The following MYO18B variants were observed in gnomAD, a reference collection of about 807,000 sequenced individuals.
MYO18B encodes myosin XVIIIB.
Under a neutral mutation model 273.0 loss-of-function variants are expected in MYO18B, and 204 were observed. The ratio of observed to expected loss-of-function variants is 0.75; its 90% CI spans 0.67 to 0.84. The LOEUF is 0.84. Among genes scored for constraint, MYO18B ranks in the 40% least tolerant of loss-of-function variants. The probability of loss-of-function intolerance (pLI) is 0.00; values close to 1 mark genes in which losing one functional copy is unlikely to be tolerated. For synonymous variants in MYO18B, 1,330 were observed against 1,305.7 expected, an observed-to-expected ratio of 1.02 and a Z score of -0.40; for missense variants, 3,212 against 3,287.6, an observed-to-expected ratio of 0.98 and a Z score of 0.56.
intron 30 of MYO18B, 37 bp from the exon 31 acceptor site, chr22:25,903,594 A>G: frequency 6.4e-7 from 1 of 1,561,656 alleles, no homozygotes; most frequent in Non-Finnish European, 8.7e-7. Context: ...AGGCATACTC[A>G]TGTGACTCCA....
Position 25,902,547 on chromosome 22 carries a change from C to T in MYO18B, c.4824-66C>T, listed in dbSNP as rs928343508. On this transcript the variant is annotated intron_variant, in intron 29 of 43. Coordinates refer to ENST00000335473, the MANE Select transcript of MYO18B (RefSeq NM_032608.7). ...CGGCCTCTCTGCAGCCCCTCCCTGCCCCTGCCTCAATCACTCCCCTGCCCA... is the reference window on the plus strand; with the variant it reads ...CGGCCTCTCTGCAGCCCCTCCCTGCTCCTGCCTCAATCACTCCCCTGCCCA... The T allele has an allele frequency of 3.9e-6, 6 of 1,541,596 alleles. No individual in the cohort carries two copies. The African/African-American group carries it at 6.9e-5, about 18-fold the overall frequency.
At chr22:25,972,937 C>CA (rs1256637991) in intron 39 of MYO18B, among the ~76,000 whole-genome samples, 1 of 125,986 alleles carries the variant, frequency 7.9e-6, no homozygotes, top group African/African-American at 3.0e-5. Flanking sequence ...GCCTGGGTGA[C>CA]AAAGTGACTC....
intron 3 of MYO18B, among the ~76,000 whole-genome samples, chr22:25,767,672 T>C (rs891234883): frequency 1.8e-4 from 28 of 152,162 alleles, no homozygotes; most frequent in African/African-American, 6.8e-4. Context: ...CAGGCAGAAA[T>C]AACAACAGTA....
At chr22:26,029,572 C>A (rs533233012) in intron 43 of MYO18B, among the ~76,000 whole-genome samples, 22 of 152,340 alleles carry the variant, frequency 1.4e-4, no homozygotes, top group African/African-American at 5.1e-4. Context: ...CATCACAGAA[C>A]ATCTTGTCTC....
In MYO18B at chr22:25,885,601, G is replaced by A. The variant is rs146884262; in HGVS notation, c.4315-5155G>A. ...GGGTTGAGGGGTTGCCTATGGGTTA[G>A]AGATGAGGCATGAAGCCGGACTGGA... On this transcript the variant is annotated intron_variant, in intron 25 of 43. Coordinates refer to ENST00000335473, the MANE Select transcript of MYO18B (RefSeq NM_032608.7). Among the ~76,000 whole-genome samples, 14 of 152,270 alleles carry A rather than the reference G, an allele frequency of 9.2e-5. No individual in the cohort carries two copies. In the East Asian group the frequency reaches 2.7e-3, roughly 29 times the overall value.
intron 34 of MYO18B, among the ~76,000 whole-genome samples, chr22:25,938,664 G>A (rs576392494): frequency 2.6e-5 from 4 of 152,328 alleles, no homozygotes; most frequent in Middle Eastern, 3.4e-3. Context: ...TTTCCCCCTC[G>A]ATGAGTAATC....
chr22:25,753,256 C>T (rs1325767340), intron 1 of MYO18B, among the ~76,000 whole-genome samples: 3 of 152,130 alleles, frequency 2.0e-5, no homozygotes. Flanking sequence ...GCGGGGGTTG[C>T]TGGATTGGAG....
rs1484725069 is a variant in MYO18B at position 25,843,880 on chromosome 22, G to A, written c.3354G>A (p.Leu1118=). 7 of 1,607,686 alleles carry A rather than the reference G, an allele frequency of 4.4e-6. No individual in the cohort carries two copies. The Admixed American group carries it at 1.2e-4, about 27-fold the overall frequency. ...CGGCCCTGGATGCACCCCAGGTCCT[G>A]CACCAGTCAAAAAGGTGAGTTGGGT... ...NLSALDAPQV[L]HQSKREELRS... The change falls in exon 18 of 44, where the codon CTG becomes CTA. Residue 1118 remains leucine, a synonymous_variant. Transcript: ENST00000335473.
chr22:25,959,768 G>C (rs962547970), intron 39 of MYO18B, among the ~76,000 whole-genome samples: 4 of 152,202 alleles, frequency 2.6e-5, no homozygotes, highest in Non-Finnish European at 5.9e-5. Context: ...GAGGGGCCCG[G>C]GTGTGAGGTT....
intron 12 of MYO18B, among the ~76,000 whole-genome samples, chr22:25,803,022 C>T (rs1163713880): frequency 6.7e-6 from 1 of 149,090 alleles, no homozygotes; most frequent in African/African-American, 2.5e-5. Flanking sequence ...AGTGCAGTGG[C>T]GCGATCTCTG....
chr22:26,041,952 G>A, the MYO18B span, among the ~76,000 whole-genome samples: 9 of 152,320 alleles, frequency 5.9e-5, no homozygotes, highest in South Asian at 1.7e-3. Flanking sequence ...AGTCTCACTG[G>A]TGGGAGAAGC....
At chr22:25,785,634 G>T (rs2087351855) in intron 11 of MYO18B, 143 bp downstream of exon 11, 7 of 764,422 alleles carry the variant, frequency 9.2e-6, no homozygotes, top group Non-Finnish European at 8.9e-6. Flanking sequence ...AGTTGGCACT[G>T]CCTTTGTAGG....
At chr22:25,773,237 C>T (rs1313545904) in intron 7 of MYO18B, among the ~76,000 whole-genome samples, 1 of 152,112 alleles carries the variant, frequency 6.6e-6, no homozygotes. Context: ...CCGGGCCACG[C>T]ACAAAGAACA....
intron 1 of MYO18B, among the ~76,000 whole-genome samples, chr22:25,757,554 T>C (rs1380574682): frequency 6.6e-6 from 1 of 151,220 alleles, no homozygotes; most frequent in Non-Finnish European, 1.5e-5. Flanking sequence ...GCCATTATAC[T>C]CCAGCCTGGG....
chr22:25,895,048 A>C lies in MYO18B; in HGVS notation c.4544-108A>C, dbSNP rs922087490. 4 of 1,313,998 alleles carry C rather than the reference A, an allele frequency of 3.0e-6. No individual in the cohort carries two copies. In the African/African-American group the frequency reaches 5.9e-5, roughly 19 times the overall value. The allele number at this position is 1,313,998 out of a possible 1,614,324, so 81.4% of individuals were successfully genotyped here. On this transcript the variant is annotated intron_variant, in intron 27 of 43. Transcript: ENST00000335473. ...GTTGAGGCTCAAGGGCTCTGTGAATATTGTGAAATTGCATGCCAAGAGCCA... is the reference window on the plus strand; with the variant it reads ...GTTGAGGCTCAAGGGCTCTGTGAATCTTGTGAAATTGCATGCCAAGAGCCA...
intron 36 of MYO18B, among the ~76,000 whole-genome samples, chr22:25,948,922 G>C (rs1399522446): frequency 6.6e-6 from 1 of 151,994 alleles, no homozygotes; most frequent in African/African-American, 2.4e-5. Context: ...TTAGATTGGA[G>C]TGGGACATTG....
intron 12 of MYO18B, among the ~76,000 whole-genome samples, chr22:25,804,114 C>T (rs1486309389): frequency 6.6e-6 from 1 of 152,140 alleles, no homozygotes; most frequent in Non-Finnish European, 1.5e-5. Flanking sequence ...CAACCATGCC[C>T]AGAAACTCAC....
At chr22:25,825,476 C>G (rs1222240479) in intron 13 of MYO18B, among the ~76,000 whole-genome samples, 1 of 152,228 alleles carries the variant, frequency 6.6e-6, no homozygotes, top group Non-Finnish European at 1.5e-5. Context: ...ACTCCTCACT[C>G]TGCTTTGTTC....
chr22:25,878,680 A>G (rs1356255423), intron 25 of MYO18B, among the ~76,000 whole-genome samples: 1 of 152,244 alleles, frequency 6.6e-6, no homozygotes, highest in Non-Finnish European at 1.5e-5. Context: ...TAACACCTTA[A>G]TAGGTACTGT....
Sources: gnomAD v4.1 joint callset for allele counts (sites outside exome capture counted in the v4.1 genomes callset) on GRCh38, gnomAD v4.1.1 for gene constraint, MANE v1.5 for transcripts, NCBI Gene and HGNC (gene_info 2026-07-23, HGNC 2026-07-21) for gene names.